The following ICOS variants were observed in gnomAD, a reference collection of about 807,000 sequenced individuals.
ICOS encodes the protein inducible T cell costimulator.
ICOS carries 15 observed loss-of-function variants against 24.6 expected under a neutral mutation model. That is an observed-to-expected ratio of 0.61 (90% confidence interval 0.41 to 0.94). ICOS has a LOEUF of 0.94. Among genes scored for constraint, ICOS ranks in the 40% least tolerant of loss-of-function variants. The pLI, the probability that ICOS is intolerant of heterozygous loss-of-function variation, is 0.00. For synonymous variants in ICOS, 89 were observed against 77.5 expected (o/e 1.15, Z -0.78); for missense variants, 200 against 233.0 (o/e 0.86, Z 0.92).
intron 1 of ICOS, among the ~76,000 whole-genome samples, chr2:203,950,472 C>G (rs901089919): frequency 9.9e-5 from 15 of 152,152 alleles, no homozygotes; most frequent in African/African-American, 3.1e-4. Flanking sequence ...CCCCACCTCC[C>G]AATTCTATTA....
intron 1 of ICOS, among the ~76,000 whole-genome samples, chr2:203,952,070 T>A (rs993026824): frequency 1.3e-5 from 2 of 152,192 alleles, no homozygotes; most frequent in African/African-American, 2.4e-5. Flanking sequence ...GAAAAAAATG[T>A]ATAATTTAAT....
intron 1 of ICOS, among the ~76,000 whole-genome samples, chr2:203,945,629 T>G (rs1347295012): frequency 6.6e-6 from 1 of 152,192 alleles, no homozygotes; most frequent in Non-Finnish European, 1.5e-5. Flanking sequence ...CATGTTACTG[T>G]ACTGAATACT....
chr2:203,948,956 G>A (rs78385914), intron 1 of ICOS, among the ~76,000 whole-genome samples: 4 of 152,326 alleles, frequency 2.6e-5, no homozygotes, highest in Non-Finnish European at 5.9e-5. Flanking sequence ...GAGAGGTCAT[G>A]CAAGTCATGG....
chr2:203,949,876 T>C (rs1419211767), intron 1 of ICOS, among the ~76,000 whole-genome samples: 1 of 152,074 alleles, frequency 6.6e-6, no homozygotes, highest in Non-Finnish European at 1.5e-5. Context: ...CCAGGCTGAG[T>C]ATTAGACTTG....
At chr2:203,950,085 TG>T (rs1233070058) in intron 1 of ICOS, among the ~76,000 whole-genome samples, 1 of 152,238 alleles carries the variant, frequency 6.6e-6, no homozygotes, top group African/African-American at 2.4e-5. Flanking sequence ...ATTTGAGCAT[TG>T]TCTTAGTCCA....
intron 4 of ICOS, among the ~76,000 whole-genome samples, chr2:203,958,610 T>C (rs756932944): frequency 6.6e-6 from 1 of 152,154 alleles, no homozygotes; most frequent in Non-Finnish European, 1.5e-5. Flanking sequence ...TTTCCACCCC[T>C]CAGTGGCTAC....
At position 203,960,786 on chromosome 2, in the gene ICOS, C is replaced by T. The variant is rs1462929840; in HGVS notation, c.*1187C>T. On this transcript the variant is annotated 3_prime_UTR_variant, in exon 5 of 5. Transcript: ENST00000316386. Reference sequence around the variant, plus strand: ...TGGAATTCCAGGGTTGAGAGACTCCCCTGAGCCAGAGGCCACTAGGTATTC... The same window carrying T: ...TGGAATTCCAGGGTTGAGAGACTCCTCTGAGCCAGAGGCCACTAGGTATTC... The T allele has an allele frequency of 3.9e-5, 6 of 152,172 alleles. No homozygotes were observed. The highest frequency in any genetic ancestry group is 8.8e-5 in the Non-Finnish European group (6 of 68,032). The allele number at this position is 152,172 out of a possible 1,614,324, so 9.4% of individuals were successfully genotyped here.
intron 1 of ICOS, among the ~76,000 whole-genome samples, chr2:203,951,652 T>TGC (rs1233816541): frequency 2.0e-5 from 3 of 152,204 alleles, no homozygotes; most frequent in African/African-American, 7.2e-5. Flanking sequence ...TAGAAGACAA[T>TGC]GCGTCTATGT....
intron 1 of ICOS, among the ~76,000 whole-genome samples, chr2:203,937,928 A>C (rs1219163930): frequency 1.3e-5 from 2 of 152,184 alleles, no homozygotes; most frequent in South Asian, 2.1e-4. Context: ...GAATCTCATG[A>C]AGTCCTTTAG....
intron 2 of ICOS, 49 bp downstream of exon 2, chr2:203,956,020 G>T: frequency 7.4e-7 from 1 of 1,342,450 alleles, no homozygotes; most frequent in Non-Finnish European, 1.1e-6. Context: ...TATATGTTTT[G>T]ACAACTTTTC....
At chr2:203,953,265 C>G (rs1000489516) in intron 1 of ICOS, among the ~76,000 whole-genome samples, 1 of 152,122 alleles carries the variant, frequency 6.6e-6, no homozygotes, top group African/African-American at 2.4e-5. Context: ...AACAGCAATG[C>G]TTTCCGAGTA....
chr2:203,938,840 G>A (rs1689712618), intron 1 of ICOS, among the ~76,000 whole-genome samples: 1 of 152,178 alleles, frequency 6.6e-6, no homozygotes, highest in African/African-American at 2.4e-5. Flanking sequence ...TATAAAGAAA[G>A]CCATGAGATG....
intron 1 of ICOS, among the ~76,000 whole-genome samples, chr2:203,939,420 AATATC>A (rs1050741363): frequency 2.0e-5 from 3 of 152,172 alleles, no homozygotes; most frequent in African/African-American, 4.8e-5. Flanking sequence ...TAATTATAAA[AATATC>A]TACGAAAAAT....
intron 3 of ICOS, 125 bp downstream of exon 3, chr2:203,956,890 C>T (rs1434292002): frequency 1.4e-6 from 1 of 697,974 alleles, no homozygotes; most frequent in Non-Finnish European, 2.6e-6. Context: ...TTCCTTCCCC[C>T]CAAGACATAC....
chr2:203,959,090 A>G (rs1428953782), intron 4 of ICOS, among the ~76,000 whole-genome samples: 4 of 152,216 alleles, frequency 2.6e-5, no homozygotes, highest in African/African-American at 7.2e-5. Context: ...GCCTCCCAGA[A>G]TCATTCTCTT....
At chr2:203,954,449 T>C (rs1690040669) in intron 1 of ICOS, among the ~76,000 whole-genome samples, 1 of 151,874 alleles carries the variant, frequency 6.6e-6, no homozygotes, top group Non-Finnish European at 1.5e-5. Context: ...GTTAGCCAGA[T>C]ATGGTGGTGT....
At chr2:203,944,861 TA>T (rs1213727717) in intron 1 of ICOS, among the ~76,000 whole-genome samples, 5 of 152,216 alleles carry the variant, frequency 3.3e-5, no homozygotes, top group African/African-American at 7.2e-5. Flanking sequence ...AGTTGACATT[TA>T]AAATGGTTCT....
intron 1 of ICOS, among the ~76,000 whole-genome samples, chr2:203,945,299 A>G (rs2105747516): frequency 6.6e-6 from 1 of 152,254 alleles, no homozygotes; most frequent in African/African-American, 2.4e-5. Context: ...TTTAAGAGAT[A>G]TTCATGAGCT....
intron 1 of ICOS, among the ~76,000 whole-genome samples, chr2:203,952,666 A>C (rs576351533): frequency 2.1e-4 from 32 of 152,296 alleles, no homozygotes; most frequent in Non-Finnish European, 4.1e-4. Flanking sequence ...ATTGAGTTTT[A>C]AATCTCAGTG....
Sources: allele counts gnomAD v4.1 joint callset (sites outside exome capture counted in the v4.1 genomes callset), GRCh38; gene constraint gnomAD v4.1.1; transcripts MANE v1.5; gene names NCBI Gene and HGNC (gene_info 2026-07-23, HGNC 2026-07-21).